SOX12: variants seen among roughly 807,000 people sequenced by gnomAD.
SOX12 encodes transcription factor SOX-12.
Under a neutral mutation model 21.5 loss-of-function variants are expected in SOX12, and 8 were observed. That is an observed-to-expected ratio of 0.37 (90% confidence interval 0.22 to 0.67). SOX12 has a LOEUF of 0.67. SOX12 is among the 30% of genes least tolerant of loss of function. The pLI is 0.56. For synonymous variants in SOX12, 235 were observed against 224.2 expected, an observed-to-expected ratio of 1.05 and a Z score of -0.43; for missense variants, 400 against 482.6, an observed-to-expected ratio of 0.83 and a Z score of 1.60.
At position 325,915 on chromosome 20, in the gene SOX12, C is replaced by T; in HGVS notation, c.-10C>T. 8.7e-7 allele frequency: 1 copy of T among 1,154,178 alleles called. No homozygotes were observed. Among genetic ancestry groups the T allele is most frequent in the South Asian group, 4.2e-5 (1 of 23,874 alleles). 71.5% of individuals were successfully genotyped at this position (1,154,178 alleles called of 1,614,324 possible). A position where few individuals can be genotyped will look rare whatever the true frequency, so the allele number is the denominator to read the frequency against. Reference sequence around the variant, plus strand: ...CCCGGCGGCGTCTAGCGGCCCCGGGCCCAGGCGCGATGGTGCAGCAGCGGG... The same window carrying T: ...CCCGGCGGCGTCTAGCGGCCCCGGGTCCAGGCGCGATGGTGCAGCAGCGGG... On this transcript the variant is annotated 5_prime_UTR_variant, in exon 1 of 1. Coordinates refer to ENST00000342665, the MANE Select transcript of SOX12 (RefSeq NM_006943.4). The surrounding 1 kb of genome is among the most constrained non-coding windows in gnomAD (Gnocchi z 5.0).
chr20:325,941 G>A lies in SOX12; in HGVS notation c.17G>A (p.Gly6Asp). 2 of 1,279,564 alleles carry A rather than the reference G, an allele frequency of 1.6e-6. No homozygotes were observed. Among genetic ancestry groups the A allele is most frequent in the Non-Finnish European group, 9.9e-7 (1 of 1,014,532 alleles). The allele number at this position is 1,279,564 out of a possible 1,614,324, so 79.3% of individuals were successfully genotyped here. A position where few individuals can be genotyped will look rare whatever the true frequency, so the allele number is the denominator to read the frequency against. Residue 6 changes from glycine to aspartate, a missense_variant, in exon 1 of 1, where the codon GGC (glycine) becomes GAC (aspartate). Around this residue, in one of 4 missense-constraint regions of SOX12, gnomAD observed 56 missense variants for 51.5 expected, o/e 1.09. Coordinates refer to ENST00000342665, the MANE Select transcript of SOX12 (RefSeq NM_006943.4). The surrounding 1 kb of genome is among the most constrained non-coding windows in gnomAD (Gnocchi z 5.0). ...CCAGGCGCGATGGTGCAGCAGCGGG[G>A]CGCGAGGGCCAAGCGGGACGGCGGG... MVQQR[G>D]ARAKRDGGPP...
Position 326,991 on chromosome 20 carries a change from C to A in SOX12, c.*119C>A. ...CATCTCCCGCGCAGCCTGCCCCCTCCTGGACGTGCCCATCCCCCCTCAGAT... is the reference window on the plus strand; with the variant it reads ...CATCTCCCGCGCAGCCTGCCCCCTCATGGACGTGCCCATCCCCCCTCAGAT... On this transcript the variant is annotated 3_prime_UTR_variant, in exon 1 of 1. Transcript: ENST00000342665. The surrounding 1 kb of genome is among the most constrained non-coding windows in gnomAD (Gnocchi z 9.9). The A allele has an allele frequency of 3.3e-6, 3 of 921,060 alleles. No homozygotes were observed. Among genetic ancestry groups the A allele is most frequent in the South Asian group, 2.7e-5 (2 of 74,606 alleles). The allele number at this position is 921,060 out of a possible 1,614,324, so 57.1% of individuals were successfully genotyped here.
Position 328,511 on chromosome 20 carries a change from C to G in SOX12, c.*1639C>G. On this transcript the variant is annotated 3_prime_UTR_variant, in exon 1 of 1. Coordinates refer to ENST00000342665, the MANE Select transcript of SOX12 (RefSeq NM_006943.4). ...GTGCTCCGGCTCTGGGCCTTTCTTG[C>G]GCTCTATTTTTTTTTTTTTTTTTTT... The G allele has an allele frequency of 8.5e-6, 1 of 117,760 alleles. No homozygotes were observed. 7.3% of individuals were successfully genotyped at this position (117,760 alleles called of 1,614,324 possible).
Position 327,786 on chromosome 20 carries a change from G to A in SOX12, c.*914G>A, listed in dbSNP as rs571250275. ...AGCAGTAGAGGAAGGGACCACCCAA[G>A]AAAACTAAAAACCAAGGCACCTTAC... On this transcript the variant is annotated 3_prime_UTR_variant, in exon 1 of 1. Coordinates refer to ENST00000342665, the MANE Select transcript of SOX12 (RefSeq NM_006943.4). 2.4e-5 allele frequency: 4 copies of A among 167,312 alleles called. No individual in the cohort carries two copies. The highest frequency in any genetic ancestry group is 9.6e-5 in the African/African-American group (4 of 41,570). The allele number at this position is 167,312 out of a possible 1,614,324, so 10.4% of individuals were successfully genotyped here.
rs1057099075 is a variant in SOX12 at position 328,297 on chromosome 20, C to G, written c.*1425C>G. ...CTCCGGCCTCCCCACACCCCCCTTGCCCTCACTACCTGTATCTCACCGGCG... is the reference window on the plus strand; with the variant it reads ...CTCCGGCCTCCCCACACCCCCCTTGGCCTCACTACCTGTATCTCACCGGCG... On this transcript the variant is annotated 3_prime_UTR_variant, in exon 1 of 1. Transcript: ENST00000342665. 6.3e-6 allele frequency: 1 copy of G among 157,756 alleles called. No individual in the cohort carries two copies. Among genetic ancestry groups the G allele is most frequent in the African/African-American group, 2.5e-5 (1 of 39,700 alleles). 9.8% of individuals were successfully genotyped at this position (157,756 alleles called of 1,614,324 possible).
Position 327,479 on chromosome 20 carries a change from A to G in SOX12, c.*607A>G. 5.9e-6 allele frequency: 1 copy of G among 168,618 alleles called. No homozygotes were observed. The highest frequency in any genetic ancestry group is 1.4e-5 in the Non-Finnish European group (1 of 69,106). The allele number at this position is 168,618 out of a possible 1,614,324, so 10.4% of individuals were successfully genotyped here. ...GCACTCTTCGCCCGCTCCGGGCAAA[A>G]GCGGGGGCGAGTGTAGAGCGATCCT... is the stretch of plus-strand genomic sequence containing the variant. On this transcript the variant is annotated 3_prime_UTR_variant, in exon 1 of 1. Transcript: ENST00000342665.
rs2013164424 is a variant in SOX12, at chr20:329,864, A to G, written c.*2992A>G. The G allele has an allele frequency of 1.2e-5, 2 of 167,114 alleles. No homozygotes were observed. The highest frequency in any genetic ancestry group is 4.8e-5 in the African/African-American group (2 of 41,464). The allele number at this position is 167,114 out of a possible 1,614,324, so 10.4% of individuals were successfully genotyped here. Reference sequence around the variant, plus strand: ...GCAAGCTGGCGAAGTAAGAGGAGGTAGAGTTGAGAAGGTGTGGAAGATAGG... The same window carrying G: ...GCAAGCTGGCGAAGTAAGAGGAGGTGGAGTTGAGAAGGTGTGGAAGATAGG... On this transcript the variant is annotated 3_prime_UTR_variant, in exon 1 of 1. Coordinates refer to ENST00000342665, the MANE Select transcript of SOX12 (RefSeq NM_006943.4).
Position 327,177 on chromosome 20 carries a change from C to A in SOX12, c.*305C>A, listed in dbSNP as rs1434871290. The A allele has an allele frequency of 3.2e-5, 13 of 406,390 alleles. No individual in the cohort carries two copies. Among genetic ancestry groups the A allele is most frequent in the South Asian group, 5.3e-5 (2 of 38,048 alleles). The allele number at this position is 406,390 out of a possible 1,614,324, so 25.2% of individuals were successfully genotyped here. On this transcript the variant is annotated 3_prime_UTR_variant, in exon 1 of 1. Coordinates refer to ENST00000342665, the MANE Select transcript of SOX12 (RefSeq NM_006943.4). ...TCCTCTCCTACAGACCTGCACCCCT[C>A]CCCCCTTTTGCACACGCCCCTCCTC... is the stretch of plus-strand genomic sequence containing the variant.
chr20:326,480 C>A lies in SOX12; in HGVS notation c.556C>A (p.Leu186Met). The A allele has an allele frequency of 2.1e-6, 3 of 1,407,878 alleles. No individual in the cohort carries two copies. The East Asian group carries it at 8.6e-5, about 40-fold the overall frequency. The allele number at this position is 1,407,878 out of a possible 1,614,324, so 87.2% of individuals were successfully genotyped here. A position where few individuals can be genotyped will look rare whatever the true frequency, so the allele number is the denominator to read the frequency against. ...CCTGGTCGAGACCCCGGGGCGGGAGCTGTGGAGGATGGTCCCGGCGGGACG... is the reference window on the plus strand; with the variant it reads ...CCTGGTCGAGACCCCGGGGCGGGAGATGTGGAGGATGGTCCCGGCGGGACG... ...VRLVETPGRE[L>M]WRMVPAGRAA... Residue 186 changes from leucine to methionine, a missense_variant, in exon 1 of 1, where the codon CTG (leucine) becomes ATG (methionine). Around this residue, in one of 4 missense-constraint regions of SOX12, gnomAD observed 235 missense variants for 219.3 expected, o/e 1.07. Coordinates refer to ENST00000342665, the MANE Select transcript of SOX12 (RefSeq NM_006943.4). This position sits in a 1 kb window ranked among gnomAD's most constrained non-coding sequence, Gnocchi z 9.9.
Position 328,043 on chromosome 20 carries a change from ACT to A in SOX12, c.*1175_*1176del, listed in dbSNP as rs2013132601. 2 of 167,116 alleles carry A rather than the reference ACT, an allele frequency of 1.2e-5. No individual in the cohort carries two copies. Among genetic ancestry groups the A allele is most frequent in the Admixed American group, 6.5e-5 (1 of 15,284 alleles). 10.4% of individuals were successfully genotyped at this position (167,116 alleles called of 1,614,324 possible). A position where few individuals can be genotyped will look rare whatever the true frequency, so the allele number is the denominator to read the frequency against. On this transcript the variant is annotated 3_prime_UTR_variant, in exon 1 of 1. Transcript: ENST00000342665. ...GGAGAGCAGATGTGATGGCAGGAAG[ACT>A]CTCGCTTTTAAACATCTGGTTTGGG...
rs2013146336 is a variant in SOX12, at chr20:328,605, T to C, written c.*1733T>C. Reference sequence around the variant, plus strand: ...CGTCATGTGAGTGAAGAGATGTCACTGTCTGTGGTCTTGGAGAACTAGTCT... The same window carrying C: ...CGTCATGTGAGTGAAGAGATGTCACCGTCTGTGGTCTTGGAGAACTAGTCT... On this transcript the variant is annotated 3_prime_UTR_variant, in exon 1 of 1. Transcript: ENST00000342665. 1 of 163,416 alleles carries C rather than the reference T, an allele frequency of 6.1e-6. No homozygotes were observed. The highest frequency in any genetic ancestry group is 6.6e-5 in the Admixed American group (1 of 15,064). The allele number at this position is 163,416 out of a possible 1,614,324, so 10.1% of individuals were successfully genotyped here. A position where few individuals can be genotyped will look rare whatever the true frequency, so the allele number is the denominator to read the frequency against.
chr20:325,983 C>A lies in SOX12; in HGVS notation c.59C>A (p.Pro20His), dbSNP rs1417978895. 19 of 1,453,948 alleles carry A rather than the reference C, an allele frequency of 1.3e-5. No individual in the cohort carries two copies. In the African/African-American group the frequency reaches 1.3e-4, roughly 10 times the overall value. 90.1% of individuals were successfully genotyped at this position (1,453,948 alleles called of 1,614,324 possible). ...GACGGCGGGCCGCCGCCCCCGGGAC[C>A]CGGGCCGGCCGAGGAGGGGGCGCGC... is the stretch of plus-strand genomic sequence containing the variant. ...KRDGGPPPPG[P>H]GPAEEGAREP... Residue 20 changes from proline to histidine, a missense_variant, in exon 1 of 1, where the codon CCC becomes CAC. Transcript: ENST00000342665. The surrounding 1 kb of genome is among the most constrained non-coding windows in gnomAD (Gnocchi z 5.0).
In SOX12 at chr20:325,821, G is replaced by C. The variant is rs966942236; in HGVS notation, c.-104G>C. ...GTTCGCGGGGGCCGGGCCGAGCCGC[G>C]GGGCGGGGCCGCCCCTCCGTCGCCG... On this transcript the variant is annotated 5_prime_UTR_variant, in exon 1 of 1. Coordinates refer to ENST00000342665, the MANE Select transcript of SOX12 (RefSeq NM_006943.4). The surrounding 1 kb of genome is among the most constrained non-coding windows in gnomAD (Gnocchi z 5.0). 3.8e-4 allele frequency: 214 copies of C among 561,248 alleles called. No homozygotes were observed. Among genetic ancestry groups the C allele is most frequent in the Non-Finnish European group, 2.7e-4 (117 of 439,382 alleles). The allele number at this position is 561,248 out of a possible 1,614,324, so 34.8% of individuals were successfully genotyped here. A position where few individuals can be genotyped will look rare whatever the true frequency, so the allele number is the denominator to read the frequency against.
Position 326,838 on chromosome 20 carries a change from C to T in SOX12, c.914C>T (p.Pro305Leu), listed in dbSNP as rs1368695880. The change falls in exon 1 of 1, where the codon CCG becomes CTG. Residue 305 changes from proline to leucine, a missense_variant. Pro to Leu is a moderately conservative substitution (Grantham distance 98). This residue lies in a region of SOX12 where 17 missense variants were observed against 49.7 expected (regional missense o/e 0.34). Transcript: ENST00000342665. The surrounding 1 kb of genome is among the most constrained non-coding windows in gnomAD (Gnocchi z 9.9). ...GAGATGATCGCGGGGGACTGGCGCCCGTCTAGCATCGCAGACCTGGTTTTC... is the reference window on the plus strand; with the variant it reads ...GAGATGATCGCGGGGGACTGGCGCCTGTCTAGCATCGCAGACCTGGTTTTC... ...VTEMIAGDWR[P>L]SSIADLVFTY The T allele has an allele frequency of 1.9e-6, 3 of 1,613,524 alleles. No homozygotes were observed. The highest frequency in any genetic ancestry group is 2.5e-6 in the Non-Finnish European group (3 of 1,179,930).
In SOX12 at chr20:325,839, C is replaced by G. The variant is rs990984266; in HGVS notation, c.-86C>G. The G allele has an allele frequency of 1.3e-6, 1 of 744,488 alleles. No homozygotes were observed. Among genetic ancestry groups the G allele is most frequent in the Non-Finnish European group, 1.7e-6 (1 of 604,646 alleles). 46.1% of individuals were successfully genotyped at this position (744,488 alleles called of 1,614,324 possible). On this transcript the variant is annotated 5_prime_UTR_variant, in exon 1 of 1. Transcript: ENST00000342665. The surrounding 1 kb of genome is among the most constrained non-coding windows in gnomAD (Gnocchi z 5.0). ...GAGCCGCGGGGCGGGGCCGCCCCTCCGTCGCCGCTGCCTCCTCCCCCACCC... is the reference window on the plus strand; with the variant it reads ...GAGCCGCGGGGCGGGGCCGCCCCTCGGTCGCCGCTGCCTCCTCCCCCACCC...
chr20:327,935 A>C lies in SOX12; in HGVS notation c.*1063A>C, dbSNP rs535364119. ...AGCGCACCGGCCCTTCCTGTCACCC[A>C]GGTCCACCCTCAGTACTCAAGCTGC... is the stretch of plus-strand genomic sequence containing the variant. On this transcript the variant is annotated 3_prime_UTR_variant, in exon 1 of 1. Transcript: ENST00000342665. 1 of 167,278 alleles carries C rather than the reference A, an allele frequency of 6.0e-6. No homozygotes were observed. The highest frequency in any genetic ancestry group is 2.1e-4 in the South Asian group (1 of 4,828). 10.4% of individuals were successfully genotyped at this position (167,278 alleles called of 1,614,324 possible). A position where few individuals can be genotyped will look rare whatever the true frequency, so the allele number is the denominator to read the frequency against.
rs1568505044 is a variant in SOX12 at position 327,048 on chromosome 20, C to T, written c.*176C>T. ...ATGCCCCTCCCCCGCAGACACACCC[C>T]AAGGCAGCCCAACCCCCACCCCTTC... is the stretch of plus-strand genomic sequence containing the variant. On this transcript the variant is annotated 3_prime_UTR_variant, in exon 1 of 1. Coordinates refer to ENST00000342665, the MANE Select transcript of SOX12 (RefSeq NM_006943.4). The T allele has an allele frequency of 1.6e-6, 1 of 645,148 alleles. No homozygotes were observed. The highest frequency in any genetic ancestry group is 2.8e-6 in the Non-Finnish European group (1 of 357,536). The allele number at this position is 645,148 out of a possible 1,614,324, so 40.0% of individuals were successfully genotyped here. A position where few individuals can be genotyped will look rare whatever the true frequency, so the allele number is the denominator to read the frequency against.
At position 327,115 on chromosome 20, in the gene SOX12, A is replaced by G. The variant is rs1247389600; in HGVS notation, c.*243A>G. ...CTCCCCACGTCGCCCCCTCCTGCAC[A>G]GCCACCAGCAGCCAGCCCCCTCCGA... On this transcript the variant is annotated 3_prime_UTR_variant, in exon 1 of 1. Coordinates refer to ENST00000342665, the MANE Select transcript of SOX12 (RefSeq NM_006943.4). The G allele has an allele frequency of 1.1e-5, 6 of 534,512 alleles. No individual in the cohort carries two copies. The highest frequency in any genetic ancestry group is 2.0e-5 in the Non-Finnish European group (6 of 293,730). The allele number at this position is 534,512 out of a possible 1,614,324, so 33.1% of individuals were successfully genotyped here. A position where few individuals can be genotyped will look rare whatever the true frequency, so the allele number is the denominator to read the frequency against.
Position 328,415 on chromosome 20 carries a change from G to A in SOX12, c.*1543G>A, listed in dbSNP as rs529859453. The A allele has an allele frequency of 1.2e-5, 2 of 167,124 alleles. No homozygotes were observed. Among genetic ancestry groups the A allele is most frequent in the East Asian group, 1.9e-4 (1 of 5,188 alleles). The allele number at this position is 167,124 out of a possible 1,614,324, so 10.4% of individuals were successfully genotyped here. ...CCAGAGTCCTCCGGACCCCTGCCCAGGGTCTCTGCAGGTCTCTGCCCCACG... is the reference window on the plus strand; with the variant it reads ...CCAGAGTCCTCCGGACCCCTGCCCAAGGTCTCTGCAGGTCTCTGCCCCACG... On this transcript the variant is annotated 3_prime_UTR_variant, in exon 1 of 1. Transcript: ENST00000342665.
Sources: gnomAD v4.1 joint callset for allele counts on GRCh38, gnomAD v4.1.1 for gene constraint, gnomAD v4.1.1 regional missense constraint, Gnocchi (gnomAD v3.1) non-coding constraint, MANE v1.5 for transcripts, NCBI Gene and HGNC (gene_info 2026-07-23, HGNC 2026-07-21) for gene names.